TFCP2: variants seen among roughly 807,000 people sequenced by gnomAD.
TFCP2 encodes transcription factor CP2, also known as alpha-globin transcription factor CP2.
TFCP2 carries 33 observed loss-of-function variants against 73.4 expected under a neutral mutation model. The ratio of observed to expected loss-of-function variants is 0.45; its 90% CI spans 0.34 to 0.60. The LOEUF is 0.60. Among genes scored for constraint, TFCP2 ranks in the 20% least tolerant of loss-of-function variants. The pLI, the probability that TFCP2 is intolerant of heterozygous loss-of-function variation, is 0.01. For missense variants in TFCP2, 352 were observed against 604.0 expected (o/e 0.58, Z 4.37); for synonymous variants, 193 against 211.6 (o/e 0.91, Z 0.76).
intron 1 of TFCP2, among the ~76,000 whole-genome samples, chr12:51,130,852 T>G (rs1287590682): frequency 2.0e-5 from 3 of 151,228 alleles, no homozygotes; most frequent in Non-Finnish European, 2.9e-5. Context: ...CCGGGCATGG[T>G]GGCAGGTGCC....
chr12:51,162,467 A>C (rs1941669601), intron 1 of TFCP2, among the ~76,000 whole-genome samples: 2 of 151,752 alleles, frequency 1.3e-5, no homozygotes, highest in Non-Finnish European at 2.9e-5. Flanking sequence ...AAAAGAAAAG[A>C]AAAAGGAAAG....
chr12:51,116,306 T>C lies in TFCP2; in HGVS notation c.457+9A>G, dbSNP rs571960715. ...GGCATTTCCTAGGCAATAGATTCTC[T>C]TAACTCACCTATGTCAAGAATTCTG... On this transcript the variant is annotated intron_variant, in intron 4 of 14. Transcript: ENST00000257915. 1.9e-6 allele frequency: 3 copies of C among 1,551,316 alleles called. No individual in the cohort carries two copies. The highest frequency in any genetic ancestry group is 3.6e-5 in the Admixed American group (2 of 55,976).
At chr12:51,140,871 C>T (rs1985008) in intron 1 of TFCP2, among the ~76,000 whole-genome samples, 2,960 of 151,990 alleles carry the variant, frequency 0.019, 79 homozygotes, top group African/African-American at 0.066. Flanking sequence ...GCCTGGCTAG[C>T]ATGGTGAAAC....
intron 9 of TFCP2, 78 bp downstream of exon 9, chr12:51,104,077 G>T: frequency 7.4e-7 from 1 of 1,344,530 alleles, no homozygotes; most frequent in Non-Finnish European, 1.1e-6. Context: ...CCTAAAAGTT[G>T]GGCATTTCTA....
rs142061704 is a variant in TFCP2 at position 51,172,411 on chromosome 12, A to T, written c.12T>A (p.Ala4=). 46 of 1,614,006 alleles carry T rather than the reference A, an allele frequency of 2.9e-5. No individual in the cohort carries two copies. The African/African-American group carries it at 5.9e-4, about 21-fold the overall frequency. Residue 4 remains alanine, a synonymous_variant, in exon 1 of 15, where the codon GCT becomes GCA. Coordinates refer to ENST00000257915, the MANE Select transcript of TFCP2 (RefSeq NM_005653.5). Reference sequence around the variant, plus strand: ...CTTCGTCGGCCAGAGGCAGCTTCAGAGCCCAGGCCATCCTGGCTCCTTCCT... The same window carrying T: ...CTTCGTCGGCCAGAGGCAGCTTCAGTGCCCAGGCCATCCTGGCTCCTTCCT... MAW[A]LKLPLADEVI... is the part of the protein sequence containing the mutation.
intron 13 of TFCP2, among the ~76,000 whole-genome samples, chr12:51,098,005 A>G (rs887584475): frequency 3.3e-5 from 5 of 151,660 alleles, no homozygotes; most frequent in Non-Finnish European, 5.9e-5. Flanking sequence ...ACAGAGTGAG[A>G]CTCTGTCTCA....
At chr12:51,115,365 CCA>C (rs1940509246) in intron 4 of TFCP2, among the ~76,000 whole-genome samples, 1 of 152,030 alleles carries the variant, frequency 6.6e-6, no homozygotes, top group Non-Finnish European at 1.5e-5. Flanking sequence ...CATGTTCTGC[CCA>C]CCTTGGCCTC....
rs1292881109 is a variant in TFCP2, at chr12:51,094,312, T to C, written c.*929A>G. 6.6e-6 allele frequency: 1 copy of C among 152,234 alleles called. No individual in the cohort carries two copies. The highest frequency in any genetic ancestry group is 2.4e-5 in the African/African-American group (1 of 41,456). 9.4% of individuals were successfully genotyped at this position (152,234 alleles called of 1,614,324 possible). A position where few individuals can be genotyped will look rare whatever the true frequency, so the allele number is the denominator to read the frequency against. On this transcript the variant is annotated 3_prime_UTR_variant, in exon 15 of 15. Transcript: ENST00000257915. ...AAAAAGCATCTATGTGTTCATTTCTTGTAGGTCTTGATTTGTTCATCATTA... is the reference window on the plus strand; with the variant it reads ...AAAAAGCATCTATGTGTTCATTTCTCGTAGGTCTTGATTTGTTCATCATTA...
intron 7 of TFCP2, 169 bp from the exon 8 acceptor site, chr12:51,106,782 G>C (rs1940257552): frequency 1.6e-6 from 1 of 608,236 alleles, no homozygotes; most frequent in Admixed American, 3.2e-5. Flanking sequence ...GGAGCCTGTG[G>C]GGAGGCCTGC....
chr12:51,160,238 C>T (rs1941621034), intron 1 of TFCP2, among the ~76,000 whole-genome samples: 2 of 150,282 alleles, frequency 1.3e-5, no homozygotes, highest in African/African-American at 2.4e-5. Flanking sequence ...AGGGTTCAAG[C>T]GATTCTCCTG....
At position 51,116,373 on chromosome 12, in the gene TFCP2, C is replaced by T. The variant is rs149625115; in HGVS notation, c.399G>A (p.Glu133=). The change falls in exon 4 of 15, where the codon GAG becomes GAA. Residue 133 remains glutamate, a synonymous_variant. Transcript: ENST00000257915. The stretch of plus-strand genomic sequence containing the variant: ...ACCTCCAGCCCTCTAGCTGCTGATG[C>T]TCAGTGTACTGAAGCCTTCTGTCAT... The part of the protein sequence containing the change: ...VFHDRRLQYT[E]HQQLEGWRWN... 260 of 1,609,354 alleles carry T rather than the reference C, an allele frequency of 1.6e-4. No individual in the cohort carries two copies. In the African/African-American group the frequency reaches 3.2e-3, roughly 20 times the overall value.
chr12:51,099,870 A>T, intron 11 of TFCP2, 91 bp from the exon 12 acceptor site: 1 of 1,470,948 alleles, frequency 6.8e-7, no homozygotes, highest in South Asian at 1.4e-5. Context: ...CATTAATCGT[A>T]TAGAGCAGAT....
At chr12:51,148,016 T>G (rs190506792) in intron 1 of TFCP2, among the ~76,000 whole-genome samples, 1 of 151,894 alleles carries the variant, frequency 6.6e-6, no homozygotes, top group African/African-American at 2.4e-5. Context: ...GACATACAAA[T>G]AGCCAACAAG....
At chr12:51,120,697 G>C (rs1418783213) in intron 1 of TFCP2, among the ~76,000 whole-genome samples, 2 of 152,078 alleles carry the variant, frequency 1.3e-5, no homozygotes, top group Admixed American at 6.6e-5. Context: ...GGGAGGCCAA[G>C]GCAGGCAGAT....
chr12:51,163,577 G>A (rs569317193), intron 1 of TFCP2, among the ~76,000 whole-genome samples: 1 of 152,000 alleles, frequency 6.6e-6, no homozygotes, highest in South Asian at 2.1e-4. Flanking sequence ...GCAACAGAGC[G>A]AGACTCTGTC....
chr12:51,148,113 A>G (rs1941337194), intron 1 of TFCP2, among the ~76,000 whole-genome samples: 1 of 152,178 alleles, frequency 6.6e-6, no homozygotes, highest in African/African-American at 2.4e-5. Context: ...AAGAATAGCC[A>G]TAATCAAAAA....
chr12:51,093,969 T>G lies in TFCP2; in HGVS notation c.*1272A>C, dbSNP rs1418035979. ...ACAAGTGAAGAAAGAAAACCCATGA[T>G]GTTACACTTACACACTTACACACAC... On this transcript the variant is annotated 3_prime_UTR_variant, in exon 15 of 15. Coordinates refer to ENST00000257915, the MANE Select transcript of TFCP2 (RefSeq NM_005653.5). 7.1e-6 allele frequency: 1 copy of G among 141,300 alleles called. No individual in the cohort carries two copies. The highest frequency in any genetic ancestry group is 2.7e-5 in the African/African-American group (1 of 36,600). 8.8% of individuals were successfully genotyped at this position (141,300 alleles called of 1,614,324 possible). A position where few individuals can be genotyped will look rare whatever the true frequency, so the allele number is the denominator to read the frequency against.
At chr12:51,115,281 A>G (rs1032887814) in intron 4 of TFCP2, among the ~76,000 whole-genome samples, 21 of 151,764 alleles carry the variant, frequency 1.4e-4, no homozygotes, top group East Asian at 5.9e-4. Context: ...CACCACGCCC[A>G]GCTAATTTCT....
intron 1 of TFCP2, among the ~76,000 whole-genome samples, chr12:51,150,837 C>A (rs1941407133): frequency 6.6e-6 from 1 of 152,158 alleles, no homozygotes; most frequent in African/African-American, 2.4e-5. Flanking sequence ...CACATCAGCG[C>A]AAACTACTTA....
Sources: allele counts gnomAD v4.1 joint callset (sites outside exome capture counted in the v4.1 genomes callset), GRCh38; gene constraint gnomAD v4.1.1; transcripts MANE v1.5; gene names NCBI Gene and HGNC (gene_info 2026-07-23, HGNC 2026-07-21).